MACROD2: variants seen among roughly 807,000 people sequenced by gnomAD.
MACROD2 encodes the protein ADP-ribose glycohydrolase MACROD2.
Under a neutral mutation model 70.4 loss-of-function variants are expected in MACROD2, and 36 were observed. That is an observed-to-expected ratio of 0.51 (90% CI 0.39 to 0.68). The LOEUF (loss-of-function observed/expected upper bound fraction) is 0.68, where lower values mean the gene tolerates loss of function less well. MACROD2 is among the 30% of genes least tolerant of loss of function. MACROD2 has a pLI of 0.00. For missense variants in MACROD2, 496 were observed against 538.4 expected, an observed-to-expected ratio of 0.92 and a Z score of 0.78; for synonymous variants, 172 against 178.8, an observed-to-expected ratio of 0.96 and a Z score of 0.30.
intron 4 of MACROD2, among the ~76,000 whole-genome samples, chr20:14,514,641 G>A (rs381114): frequency 0.18 from 27,174 of 152,022 alleles, 2,712 homozygotes; most frequent in South Asian, 0.36. Flanking sequence ...AAGAAGTCCT[G>A]CTGCTTGTCA....
intron 8 of MACROD2, among the ~76,000 whole-genome samples, chr20:15,789,649 T>G (rs1485626305): frequency 6.6e-6 from 1 of 151,918 alleles, no homozygotes; most frequent in Non-Finnish European, 1.5e-5. Context: ...GTGGCAAATA[T>G]AAAAATAATG....
chr20:14,202,334 A>G (rs2148748350), intron 3 of MACROD2, among the ~76,000 whole-genome samples: 1 of 152,348 alleles, frequency 6.6e-6, no homozygotes, highest in South Asian at 2.1e-4. Flanking sequence ...TTAAGATTTG[A>G]TCCACACCCA....
chr20:15,749,147 G>T (rs184112621), intron 8 of MACROD2, among the ~76,000 whole-genome samples: 1 of 152,026 alleles, frequency 6.6e-6, no homozygotes, highest in African/African-American at 2.4e-5. Context: ...TTAACATCTT[G>T]CTTTCTTAAG....
chr20:14,713,863 T>C (rs2071366030), intron 5 of MACROD2, among the ~76,000 whole-genome samples: 2 of 152,190 alleles, frequency 1.3e-5, no homozygotes, highest in East Asian at 1.9e-4. Flanking sequence ...AGATCTGTAA[T>C]TGGACTTCAG....
chr20:14,109,798 T>G (rs1001185916), intron 3 of MACROD2, among the ~76,000 whole-genome samples: 1 of 151,862 alleles, frequency 6.6e-6, no homozygotes, highest in African/African-American at 2.4e-5. Flanking sequence ...AGTGGTTTCA[T>G]TGTTGAATTC....
At chr20:14,113,993 T>A (rs573602404) in intron 3 of MACROD2, among the ~76,000 whole-genome samples, 12 of 152,258 alleles carry the variant, frequency 7.9e-5, no homozygotes, top group Middle Eastern at 3.4e-3. Flanking sequence ...ATCCTGTGAA[T>A]ATAATTCTAT....
At chr20:15,651,971 C>A (rs1194884157) in intron 8 of MACROD2, among the ~76,000 whole-genome samples, 1 of 152,128 alleles carries the variant, frequency 6.6e-6, no homozygotes. Flanking sequence ...GTGGAGATGG[C>A]AGCCCCATGA....
chr20:15,498,892 T>C (rs77761852), intron 7 of MACROD2, among the ~76,000 whole-genome samples: 2,583 of 152,238 alleles, frequency 0.017, 77 homozygotes, highest in African/African-American at 0.059. Context: ...AGCTTGAAGA[T>C]AAATTGAAAG....
intron 4 of MACROD2, among the ~76,000 whole-genome samples, chr20:14,610,745 G>T (rs561883111): frequency 6.6e-6 from 1 of 152,134 alleles, no homozygotes; most frequent in South Asian, 2.1e-4. Flanking sequence ...GATAGTGTAT[G>T]TGAAAGCATA....
intron 2 of MACROD2, among the ~76,000 whole-genome samples, chr20:14,019,824 T>A (rs2053047835): frequency 6.6e-6 from 1 of 151,946 alleles, no homozygotes; most frequent in Non-Finnish European, 1.5e-5. Flanking sequence ...CTTATAGGAG[T>A]AATTGGGGAA....
At chr20:14,584,996 C>G (rs528631477) in intron 4 of MACROD2, among the ~76,000 whole-genome samples, 1 of 152,156 alleles carries the variant, frequency 6.6e-6, no homozygotes, top group African/African-American at 2.4e-5. Flanking sequence ...CTTCTTTCAA[C>G]AAAGTTGGTC....
Position 14,386,937 on chromosome 20 carries a change from A to G in MACROD2, c.272-106542A>G, listed in dbSNP as rs190905023. 3.1e-3 allele frequency among the ~76,000 whole-genome samples: 472 copies of G among 152,266 alleles called. 2 individuals carry two copies. The highest frequency in any genetic ancestry group is 7.8e-3 in the Admixed American group (120 of 15,304). ...GACATCACCAGGAGTGTGTGATGCA[A>G]AAATCGGGTTGAGGCTAGAAACCGG... On this transcript the variant is annotated intron_variant, in intron 3 of 17. Transcript: ENST00000684519.
At chr20:14,642,724 T>A (rs1390735454) in intron 4 of MACROD2, among the ~76,000 whole-genome samples, 1 of 152,174 alleles carries the variant, frequency 6.6e-6, no homozygotes, top group Non-Finnish European at 1.5e-5. Flanking sequence ...CTCCTTTTTT[T>A]ATGGGCTTTA....
At chr20:14,672,360 A>G (rs1424493462) in intron 4 of MACROD2, among the ~76,000 whole-genome samples, 1 of 152,192 alleles carries the variant, frequency 6.6e-6, no homozygotes, top group Non-Finnish European at 1.5e-5. Flanking sequence ...GAGTGAGCAG[A>G]AATGTGAAAG....
intron 3 of MACROD2, among the ~76,000 whole-genome samples, chr20:14,094,395 A>G (rs141470045): frequency 7.9e-5 from 12 of 152,322 alleles, no homozygotes; most frequent in African/African-American, 1.9e-4. Flanking sequence ...CAATTTGTAC[A>G]TATGACATAT....
At chr20:14,370,551 C>G (rs1280254738) in intron 3 of MACROD2, among the ~76,000 whole-genome samples, 2 of 152,022 alleles carry the variant, frequency 1.3e-5, no homozygotes, top group Non-Finnish European at 2.9e-5. Flanking sequence ...GGATGAAATT[C>G]CCATAAGGAG....
chr20:14,638,055 G>A (rs1568713509), intron 4 of MACROD2, among the ~76,000 whole-genome samples: 1 of 151,912 alleles, frequency 6.6e-6, no homozygotes, highest in Non-Finnish European at 1.5e-5. Flanking sequence ...TAAAAGGCAG[G>A]ATGGGAAGAA....
intron 8 of MACROD2, among the ~76,000 whole-genome samples, chr20:15,772,900 A>G (rs150821135): frequency 6.6e-6 from 1 of 152,282 alleles, no homozygotes; most frequent in East Asian, 1.9e-4. Context: ...TTTCCTGGAA[A>G]AAAAAATCAG....
chr20:14,509,895 A>T (rs918107515), intron 4 of MACROD2, among the ~76,000 whole-genome samples: 1 of 152,036 alleles, frequency 6.6e-6, no homozygotes, highest in Non-Finnish European at 1.5e-5. Context: ...TAGTGCATAT[A>T]TGCTGATACA....
Sources: gnomAD v4.1 joint callset for allele counts (sites outside exome capture counted in the v4.1 genomes callset) on GRCh38, gnomAD v4.1.1 for gene constraint, MANE v1.5 for transcripts, NCBI Gene and HGNC (gene_info 2026-07-23, HGNC 2026-07-21) for gene names.